MBNL2: variants seen among roughly 807,000 people sequenced by gnomAD.
MBNL2 encodes the protein muscleblind like splicing regulator 2, also known as muscleblind-like protein 2.
In MBNL2, 17 loss-of-function variants were observed where a neutral mutation model predicts 41.9. The ratio of observed to expected loss-of-function variants is 0.41; its 90% confidence interval spans 0.28 to 0.61. The LOEUF (loss-of-function observed/expected upper bound fraction) is 0.61, where lower values mean the gene tolerates loss of function less well. Among genes scored for constraint, MBNL2 ranks in the 20% least tolerant of loss-of-function variants. MBNL2 has a pLI of 0.35. For missense variants in MBNL2, 336 were observed against 505.6 expected (o/e 0.66, Z 3.22); for synonymous variants, 195 against 182.9 (o/e 1.07, Z -0.53).
chr13:97,285,462 T>C (rs2054238734), intron 2 of MBNL2, among the ~76,000 whole-genome samples: 1 of 152,212 alleles, frequency 6.6e-6, no homozygotes, highest in African/African-American at 2.4e-5. Context: ...CAGCTGCCAC[T>C]CAGCAATAGA....
rs2052074430 is a variant in MBNL2, at chr13:97,275,984, A to T, written c.-252A>T. The T allele has an allele frequency of 1.3e-5, 5 of 379,652 alleles. No homozygotes were observed. The highest frequency in any genetic ancestry group is 4.2e-5 in the Admixed American group (1 of 23,640). The allele number at this position is 379,652 out of a possible 1,614,324, so 23.5% of individuals were successfully genotyped here. A position where few individuals can be genotyped will look rare whatever the true frequency, so the allele number is the denominator to read the frequency against. On this transcript the variant is annotated 5_prime_UTR_variant, in exon 2 of 9. In the 5' UTR this introduces an upstream ATG that the reference lacks. Transcript: ENST00000679496. ...ACAGTCAAGAGACTCGGACGTTGAAAGCCAGAGATGACACTGAGCATGCTT... is the reference window on the plus strand; with the variant it reads ...ACAGTCAAGAGACTCGGACGTTGAATGCCAGAGATGACACTGAGCATGCTT...
chr13:97,226,427 G>A (rs1189926856), intron 1 of MBNL2, among the ~76,000 whole-genome samples: 5 of 152,184 alleles, frequency 3.3e-5, no homozygotes, highest in African/African-American at 1.2e-4. Context: ...AAACACCTCT[G>A]GGCTTCCCTG....
chr13:97,300,317 A>G (rs904596739), intron 2 of MBNL2, among the ~76,000 whole-genome samples: 1 of 152,212 alleles, frequency 6.6e-6, no homozygotes, highest in Non-Finnish European at 1.5e-5. Flanking sequence ...TTTGGTGGAC[A>G]GCTAACTATC....
intron 1 of MBNL2, among the ~76,000 whole-genome samples, chr13:97,244,654 C>G (rs560266374): frequency 1.1e-3 from 162 of 152,250 alleles, no homozygotes; most frequent in Non-Finnish European, 2.0e-3. Flanking sequence ...AATATAATGG[C>G]CTGTTTGTTT....
Position 97,276,141 on chromosome 13 carries a change from T to G in MBNL2, c.-95T>G. On this transcript the variant is annotated 5_prime_UTR_variant, in exon 2 of 9. The change abolishes an upstream ATG in the 5' untranslated region. Transcript: ENST00000679496. ...TTTATCACTCACCTTCAGACTTACA[T>G]GTGGGAGTTTTCACAACAGTAGTTT... 1.1e-6 allele frequency: 1 copy of G among 913,738 alleles called. No individual in the cohort carries two copies. Among genetic ancestry groups the G allele is most frequent in the Non-Finnish European group, 1.7e-6 (1 of 573,574 alleles). 56.6% of individuals were successfully genotyped at this position (913,738 alleles called of 1,614,324 possible).
intron 2 of MBNL2, among the ~76,000 whole-genome samples, chr13:97,319,971 T>C (rs1464452389): frequency 6.6e-6 from 1 of 152,104 alleles, no homozygotes; most frequent in Non-Finnish European, 1.5e-5. Flanking sequence ...AATAGGGAGA[T>C]CTCATTACCT....
At chr13:97,210,207 G>A in the MBNL2 span, among the ~76,000 whole-genome samples, 1 of 152,188 alleles carries the variant, frequency 6.6e-6, no homozygotes, top group Non-Finnish European at 1.5e-5. Flanking sequence ...GCTCAGTGAT[G>A]TTACATAACT....
chr13:97,152,905 T>A, the MBNL2 span, among the ~76,000 whole-genome samples: 4 of 151,756 alleles, frequency 2.6e-5, no homozygotes, highest in African/African-American at 7.3e-5. Flanking sequence ...CAAAGAGAGG[T>A]CCCAGGATGA....
intron 1 of MBNL2, among the ~76,000 whole-genome samples, chr13:97,235,387 C>T (rs766190664): frequency 6.6e-6 from 1 of 152,132 alleles, no homozygotes; most frequent in Non-Finnish European, 1.5e-5. Context: ...TAACGCAGAC[C>T]TCATTCAATA....
intron 1 of MBNL2, among the ~76,000 whole-genome samples, chr13:97,242,347 G>A (rs1271766683): frequency 2.0e-5 from 3 of 152,216 alleles, no homozygotes; most frequent in Admixed American, 2.0e-4. Flanking sequence ...CTGAGACACA[G>A]CCTGTGCCTT....
intron 1 of MBNL2, among the ~76,000 whole-genome samples, chr13:97,252,733 C>T (rs2046810109): frequency 6.6e-6 from 1 of 152,068 alleles, no homozygotes; most frequent in South Asian, 2.1e-4. Context: ...TCATTTCTGG[C>T]AACTTAACTG....
the MBNL2 span, among the ~76,000 whole-genome samples, chr13:97,166,826 AGATAGATAGAT>A: frequency 2.0e-5 from 3 of 151,454 alleles, no homozygotes; most frequent in African/African-American, 7.3e-5. Flanking sequence ...ATAGATAGAT[AGATAGATAGAT>A]AGAAAGATAG....
At chr13:97,218,746 G>A (rs1389069068), upstream of MBNL2, among the ~76,000 whole-genome samples, 4 of 151,846 alleles carry the variant, frequency 2.6e-5, no homozygotes, top group Non-Finnish European at 5.9e-5. Context: ...GAAGAAGGAG[G>A]AGGAGGAAAA....
At chr13:97,229,643 T>G (rs1361052522) in intron 1 of MBNL2, among the ~76,000 whole-genome samples, 1 of 152,112 alleles carries the variant, frequency 6.6e-6, no homozygotes, top group Non-Finnish European at 1.5e-5. Flanking sequence ...TGATGTGGTA[T>G]AGTGGCCAGG....
intron 8 of MBNL2, among the ~76,000 whole-genome samples, chr13:97,374,821 G>C (rs2064810452): frequency 6.6e-6 from 1 of 152,142 alleles, no homozygotes. Context: ...TTTCTCATTG[G>C]AGCAAAATGA....
At chr13:97,358,829 A>G (rs933772806) in intron 7 of MBNL2, among the ~76,000 whole-genome samples, 1 of 152,220 alleles carries the variant, frequency 6.6e-6, no homozygotes, top group African/African-American at 2.4e-5. Flanking sequence ...CGAGCTTATT[A>G]TCCATTTCCT....
chr13:97,180,147 A>G, the MBNL2 span, among the ~76,000 whole-genome samples: 1 of 152,202 alleles, frequency 6.6e-6, no homozygotes, highest in Non-Finnish European at 1.5e-5. Flanking sequence ...ATTAGGAGGT[A>G]AACTCTACAA....
the MBNL2 span, among the ~76,000 whole-genome samples, chr13:97,190,784 T>C: frequency 6.6e-6 from 1 of 152,206 alleles, no homozygotes; most frequent in Non-Finnish European, 1.5e-5. Context: ...CTGAATTTTG[T>C]TCTTCAGAGG....
rs139103049 is a variant in MBNL2, at chr13:97,267,079, T to C, written c.-604-8553T>C. On this transcript the variant is annotated intron_variant, in intron 1 of 8. Coordinates refer to ENST00000679496, the MANE Select transcript of MBNL2 (RefSeq NM_001382683.1). ...CAGTCTCAACATTGGACATGACTGA[T>C]GTTTTTCCCTTAAAAAATGTACAAA... 9.2e-5 allele frequency among the ~76,000 whole-genome samples: 14 copies of C among 152,326 alleles called. No individual in the cohort carries two copies. In the East Asian group the frequency reaches 2.3e-3, roughly 25 times the overall value.
Sources: gnomAD v4.1 joint callset for allele counts (sites outside exome capture counted in the v4.1 genomes callset) on GRCh38, gnomAD v4.1.1 for gene constraint, MANE v1.5 for transcripts, NCBI Gene and HGNC (gene_info 2026-07-23, HGNC 2026-07-21) for gene names.